The following MAN2A1 variants were observed in gnomAD, a reference collection of about 807,000 sequenced individuals.
The protein encoded by MAN2A1 is mannosidase alpha class 2A member 1.
In MAN2A1, 76 loss-of-function variants were observed where a neutral mutation model predicts 142.6. The observed-to-expected ratio is 0.53, with a 90% CI of 0.44 to 0.65. The LOEUF (loss-of-function observed/expected upper bound fraction) is 0.65. MAN2A1 is among the 30% of genes least tolerant of loss of function. The probability of loss-of-function intolerance (pLI) is 0.00; values close to 1 mark genes in which losing one functional copy is unlikely to be tolerated. For synonymous variants in MAN2A1, 559 were observed against 473.2 expected (o/e 1.18, Z -2.35); for missense variants, 1,311 against 1,365.1 (o/e 0.96, Z 0.62).
At chr5:109,824,958 C>T (rs980149907) in intron 16 of MAN2A1, among the ~76,000 whole-genome samples, 1 of 152,006 alleles carries the variant, frequency 6.6e-6, no homozygotes, top group Non-Finnish European at 1.5e-5. Context: ...TCAGAATAAC[C>T]CATGATTCAT....
intron 12 of MAN2A1, among the ~76,000 whole-genome samples, chr5:109,791,486 C>A (rs1015660028): frequency 6.6e-6 from 1 of 151,804 alleles, no homozygotes; most frequent in Non-Finnish European, 1.5e-5. Flanking sequence ...AAATTGGAAG[C>A]CTTAGAGGTG....
chr5:109,695,039 A>G (rs1750774386), intron 1 of MAN2A1, among the ~76,000 whole-genome samples: 1 of 152,196 alleles, frequency 6.6e-6, no homozygotes, highest in Non-Finnish European at 1.5e-5. Context: ...TTAGGAATGC[A>G]AGAACAAACA....
At chr5:109,837,250 G>T (rs1054974365) in intron 16 of MAN2A1, among the ~76,000 whole-genome samples, 2 of 151,422 alleles carry the variant, frequency 1.3e-5, no homozygotes, top group African/African-American at 2.4e-5. Context: ...GGCTTCTAAG[G>T]TGAGTGTGCC....
In MAN2A1 at chr5:109,768,258, C is replaced by G. The variant is rs1009814349; in HGVS notation, c.1009+550C>G. On this transcript the variant is annotated intron_variant, in intron 6 of 21. Coordinates refer to ENST00000261483, the MANE Select transcript of MAN2A1 (RefSeq NM_002372.4). ...TAGGAGAGAGGAGAAAAGATCTAGG[C>G]CTCTTGGGAGGCCTTTGCCTTTCTC... Among the ~76,000 whole-genome samples the G allele has an allele frequency of 5.3e-5, 8 of 152,154 alleles. 1 individual carries two copies. Among genetic ancestry groups the G allele is most frequent in the Admixed American group, 3.3e-4 (5 of 15,268 alleles).
chr5:109,838,761 C>T (rs183216890), intron 16 of MAN2A1, among the ~76,000 whole-genome samples: 94 of 152,276 alleles, frequency 6.2e-4, no homozygotes, highest in Non-Finnish European at 1.1e-3. Flanking sequence ...CTGATACAAA[C>T]TTTAAATTGA....
chr5:109,799,068 G>T (rs996894315), intron 12 of MAN2A1, among the ~76,000 whole-genome samples: 15 of 152,044 alleles, frequency 9.9e-5, no homozygotes, highest in African/African-American at 3.6e-4. Flanking sequence ...GACTGCTACT[G>T]TCCCTCCACT....
intron 4 of MAN2A1, among the ~76,000 whole-genome samples, chr5:109,743,847 A>G (rs1048306778): frequency 1.3e-5 from 2 of 152,116 alleles, no homozygotes; most frequent in Non-Finnish European, 2.9e-5. Context: ...CTCAAAAGGC[A>G]CAGGCCACTA....
intron 12 of MAN2A1, among the ~76,000 whole-genome samples, chr5:109,809,351 C>G (rs1561523046): frequency 6.6e-6 from 1 of 151,766 alleles, no homozygotes; most frequent in Non-Finnish European, 1.5e-5. Flanking sequence ...CCTCTTTGTG[C>G]TCTTCATTTT....
chr5:109,784,703 G>A, intron 9 of MAN2A1, 41 bp from the exon 10 acceptor site: 2 of 1,453,912 alleles, frequency 1.4e-6, no homozygotes, highest in Non-Finnish European at 9.2e-7. Context: ...ATAAGCTAAA[G>A]TGTTTGTTTT....
At chr5:109,747,272 G>T (rs949443928) in intron 4 of MAN2A1, among the ~76,000 whole-genome samples, 1 of 152,076 alleles carries the variant, frequency 6.6e-6, no homozygotes, top group African/African-American at 2.4e-5. Context: ...ATTTTACATA[G>T]ACATAAATAT....
chr5:109,830,195 C>T (rs1280289094), intron 16 of MAN2A1, among the ~76,000 whole-genome samples: 1 of 152,116 alleles, frequency 6.6e-6, no homozygotes, highest in Non-Finnish European at 1.5e-5. Flanking sequence ...TATGCATTTT[C>T]CATGAAACTT....
chr5:109,708,022 A>G (rs1582808922), intron 1 of MAN2A1, among the ~76,000 whole-genome samples: 4 of 150,178 alleles, frequency 2.7e-5, no homozygotes, highest in African/African-American at 4.8e-5. Flanking sequence ...AATTTAAATC[A>G]TGGAGTGGAT....
chr5:109,724,671 T>G (rs1751694057), intron 3 of MAN2A1, among the ~76,000 whole-genome samples: 1 of 152,054 alleles, frequency 6.6e-6, no homozygotes, highest in Non-Finnish European at 1.5e-5. Context: ...ACTTAAAAAA[T>G]CGTTATTAAT....
intron 3 of MAN2A1, among the ~76,000 whole-genome samples, chr5:109,718,330 C>T (rs1380907108): frequency 6.6e-6 from 1 of 152,174 alleles, no homozygotes; most frequent in Non-Finnish European, 1.5e-5. Context: ...AATCTCATTT[C>T]TTGTTATTCC....
intron 4 of MAN2A1, among the ~76,000 whole-genome samples, chr5:109,753,889 T>C (rs1335264417): frequency 6.6e-6 from 1 of 151,874 alleles, no homozygotes; most frequent in Non-Finnish European, 1.5e-5. Flanking sequence ...AGATACTTGC[T>C]CAATTTTTTT....
At chr5:109,800,237 T>A in intron 12 of MAN2A1, among the ~76,000 whole-genome samples, 1 of 152,200 alleles carries the variant, frequency 6.6e-6, no homozygotes, top group East Asian at 1.9e-4. Context: ...ACATCTTACA[T>A]CCTCTGGAAA....
chr5:109,732,520 A>G (rs1024522089), intron 4 of MAN2A1, among the ~76,000 whole-genome samples: 2 of 152,130 alleles, frequency 1.3e-5, no homozygotes, highest in African/African-American at 4.8e-5. Context: ...TCTTTAATCC[A>G]TCTTGAATTA....
At chr5:109,707,637 T>G (rs571944876) in intron 1 of MAN2A1, among the ~76,000 whole-genome samples, 116 of 152,304 alleles carry the variant, frequency 7.6e-4, no homozygotes, top group African/African-American at 2.7e-3. Context: ...TGGGGAAGGC[T>G]ATGCAGAGGT....
chr5:109,823,722 G>C lies in MAN2A1; in HGVS notation c.2452-1G>C. 1 of 1,469,438 alleles carries C rather than the reference G, an allele frequency of 6.8e-7. No homozygotes were observed. 91.0% of individuals were successfully genotyped at this position (1,469,438 alleles called of 1,614,324 possible). A position where few individuals can be genotyped will look rare whatever the true frequency, so the allele number is the denominator to read the frequency against. On this transcript the variant is annotated splice_acceptor_variant, in intron 15 of 21. Transcript: ENST00000261483. LOFTEE classifies it high-confidence loss of function. ...TCTTAAATATATTATTTTCTTTTCA[G>C]CCTTATGTTTACACAACACCGCCCT...
Sources: gnomAD v4.1 joint callset for allele counts (sites outside exome capture counted in the v4.1 genomes callset) on GRCh38, gnomAD v4.1.1 for gene constraint, MANE v1.5 for transcripts, NCBI Gene and HGNC (gene_info 2026-07-23, HGNC 2026-07-21) for gene names.